Variants in NEDD9 observed in about 807,000 individuals in gnomAD.
NEDD9 encodes neural precursor cell expressed, developmentally down-regulated 9.
NEDD9 carries 26 observed loss-of-function variants against 76.6 expected under a neutral mutation model. The observed-to-expected ratio is 0.34, with a 90% CI of 0.25 to 0.47. NEDD9 has a LOEUF of 0.47. Among genes scored for constraint, NEDD9 ranks in the 20% least tolerant of loss-of-function variants. The probability of loss-of-function intolerance (pLI) is 1.00; values close to 1 mark genes in which losing one functional copy is unlikely to be tolerated. For synonymous variants in NEDD9, 392 were observed against 414.2 expected, an observed-to-expected ratio of 0.95 and a Z score of 0.65; for missense variants, 937 against 1,058.5, an observed-to-expected ratio of 0.89 and a Z score of 1.59.
chr6:11,259,972 C>T (rs1581987519), intron 3 of NEDD9, among the ~76,000 whole-genome samples: 1 of 29,348 alleles, frequency 3.4e-5, no homozygotes, highest in South Asian at 1.7e-3. Context: ...ACACACACCC[C>T]ACCACAGAAA....
At position 11,314,850 on chromosome 6, in the gene NEDD9, A is replaced by ATTTGAT. The variant is rs565330469; in HGVS notation, c.-152-8696_-152-8695insATCAAA. ...CTGAGTCTCAGTTTCCTCAGGCATC[A>ATTTGAT]AATAAAGAGATCAGACAAAAATGCA... On this transcript the variant is annotated intron_variant, in intron 2 of 3. Transcript: ENST00000397378. 9.1e-3 allele frequency among the ~76,000 whole-genome samples: 1,386 copies of ATTTGAT among 152,330 alleles called. 15 individuals are homozygous for ATTTGAT. Among genetic ancestry groups the ATTTGAT allele is most frequent in the African/African-American group, 0.032 (1,311 of 41,582 alleles).
At chr6:11,377,637 T>C (rs1762989038) in intron 1 of NEDD9, among the ~76,000 whole-genome samples, 1 of 152,182 alleles carries the variant, frequency 6.6e-6, no homozygotes, top group African/African-American at 2.4e-5. Flanking sequence ...GTCTCATAGG[T>C]GGACAGATTT....
intron 3 of NEDD9, among the ~76,000 whole-genome samples, chr6:11,240,838 T>G (rs1205837056): frequency 6.6e-6 from 1 of 152,212 alleles, no homozygotes; most frequent in Non-Finnish European, 1.5e-5. Context: ...AGATTTAGGC[T>G]TATCTCCATA....
At chr6:11,256,537 C>T (rs752743229) in intron 3 of NEDD9, among the ~76,000 whole-genome samples, 5 of 152,176 alleles carry the variant, frequency 3.3e-5, no homozygotes, top group Non-Finnish European at 5.9e-5. Flanking sequence ...GTCACCCAGG[C>T]TAGAGTGTGG....
intron 2 of NEDD9, among the ~76,000 whole-genome samples, chr6:11,317,512 A>C (rs997469254): frequency 6.6e-6 from 1 of 152,128 alleles, no homozygotes; most frequent in Non-Finnish European, 1.5e-5. Context: ...AGAGGCCTGA[A>C]GGAGAGATTC....
At chr6:11,365,604 A>G (rs1428227422) in intron 1 of NEDD9, among the ~76,000 whole-genome samples, 1 of 152,222 alleles carries the variant, frequency 6.6e-6, no homozygotes, top group Non-Finnish European at 1.5e-5. Flanking sequence ...CTGCAAGCAC[A>G]TTTTGATGAG....
At chr6:11,361,784 G>A (rs1296813728) in intron 1 of NEDD9, among the ~76,000 whole-genome samples, 2 of 152,158 alleles carry the variant, frequency 1.3e-5, no homozygotes, top group African/African-American at 4.8e-5. Context: ...CGACCCTAAA[G>A]AACAACATTC....
chr6:11,246,579 G>A (rs914605260), intron 3 of NEDD9, among the ~76,000 whole-genome samples: 4 of 152,156 alleles, frequency 2.6e-5, no homozygotes, highest in African/African-American at 4.8e-5. Context: ...AGCCTGCCTC[G>A]AATTTTCACA....
intron 6 of NEDD9, among the ~76,000 whole-genome samples, chr6:11,187,361 T>C (rs533028239): frequency 1.3e-5 from 2 of 152,354 alleles, no homozygotes; most frequent in South Asian, 4.1e-4. Context: ...ATAGTCGTCA[T>C]TATCTCCCCT....
Position 11,232,409 on chromosome 6 carries a change from C to T in NEDD9, c.12+95G>A, listed in dbSNP as rs1256310871. The T allele has an allele frequency of 2.7e-6, 4 of 1,484,398 alleles. No homozygotes were observed. In the African/African-American group the frequency reaches 5.5e-5, roughly 21 times the overall value. 92.0% of individuals were successfully genotyped at this position (1,484,398 alleles called of 1,614,324 possible). ...TCATCTTAGAACTCTCCGGGACACACAAGGGACTGACAGTAAGGAACACGC... is the reference window on the plus strand; with the variant it reads ...TCATCTTAGAACTCTCCGGGACACATAAGGGACTGACAGTAAGGAACACGC... On this transcript the variant is annotated intron_variant, in intron 1 of 6. Transcript: ENST00000379446.
At chr6:11,314,840 C>T (rs902486843) in intron 2 of NEDD9, among the ~76,000 whole-genome samples, 1 of 152,126 alleles carries the variant, frequency 6.6e-6, no homozygotes, top group African/African-American at 2.4e-5. Flanking sequence ...TCTCAGTTTC[C>T]TCAGGCATCA....
chr6:11,308,925 T>C (rs1761280798), intron 2 of NEDD9, among the ~76,000 whole-genome samples: 1 of 152,246 alleles, frequency 6.6e-6, no homozygotes, highest in Non-Finnish European at 1.5e-5. Flanking sequence ...CCATATGATA[T>C]ATATTGCAGA....
chr6:11,273,954 A>G (rs1261686022), intron 3 of NEDD9, among the ~76,000 whole-genome samples: 1 of 152,196 alleles, frequency 6.6e-6, no homozygotes, highest in Non-Finnish European at 1.5e-5. Flanking sequence ...TGTCACGTCA[A>G]CATCCAAATG....
intron 2 of NEDD9, among the ~76,000 whole-genome samples, chr6:11,321,871 A>G (rs1761814013): frequency 6.6e-6 from 1 of 152,230 alleles, no homozygotes; most frequent in African/African-American, 2.4e-5. Context: ...AAGAAATGCA[A>G]TGTTAGTGGG....
intron 3 of NEDD9, among the ~76,000 whole-genome samples, chr6:11,263,333 C>A (rs775171982): frequency 2.0e-5 from 3 of 152,216 alleles, no homozygotes; most frequent in Non-Finnish European, 4.4e-5. Context: ...TCCAGACAGA[C>A]TGAAGGCAAA....
intron 2 of NEDD9, among the ~76,000 whole-genome samples, chr6:11,205,088 G>T (rs1018472397): frequency 1.2e-4 from 18 of 152,192 alleles, no homozygotes; most frequent in Admixed American, 9.2e-4. Context: ...TCATCCTTCA[G>T]CCGGGATGTA....
chr6:11,368,350 TG>T (rs1762804722), intron 1 of NEDD9, among the ~76,000 whole-genome samples: 1 of 152,268 alleles, frequency 6.6e-6, no homozygotes, highest in Non-Finnish European at 1.5e-5. Context: ...AATTAAGAAT[TG>T]TTTATATTTT....
intron 1 of NEDD9, among the ~76,000 whole-genome samples, chr6:11,215,831 A>C (rs1581962410): frequency 6.6e-6 from 1 of 152,188 alleles, no homozygotes; most frequent in Non-Finnish European, 1.5e-5. Flanking sequence ...GAAACAGAAA[A>C]CAGTAGAAAG....
intron 1 of NEDD9, among the ~76,000 whole-genome samples, chr6:11,347,010 G>T (rs1446898544): frequency 6.6e-6 from 1 of 151,874 alleles, no homozygotes; most frequent in Non-Finnish European, 1.5e-5. Flanking sequence ...GGGCTAAGAG[G>T]CCCCAAAGCA....
Sources: allele counts gnomAD v4.1 joint callset (sites outside exome capture counted in the v4.1 genomes callset), GRCh38; gene constraint gnomAD v4.1.1; transcripts MANE v1.5; gene names NCBI Gene and HGNC (gene_info 2026-07-23, HGNC 2026-07-21).